ST6GALNAC3: variants seen among roughly 807,000 people sequenced by gnomAD.
ST6GALNAC3 encodes the protein alpha-N-acetylgalactosaminide alpha-2,6-sialyltransferase 3.
Under a neutral mutation model 32.7 loss-of-function variants are expected in ST6GALNAC3, and 25 were observed. The ratio of observed to expected loss-of-function variants is 0.76; its 90% confidence interval spans 0.56 to 1.07. The LOEUF (loss-of-function observed/expected upper bound fraction) is 1.07. Among genes scored for constraint, ST6GALNAC3 ranks in the 50% least tolerant of loss-of-function variants. The probability of loss-of-function intolerance (pLI) is 0.00; values close to 1 mark genes in which losing one functional copy is unlikely to be tolerated. For missense variants in ST6GALNAC3, 355 were observed against 382.4 expected (o/e 0.93, Z 0.60); for synonymous variants, 129 against 133.1 (o/e 0.97, Z 0.21).
intron 2 of ST6GALNAC3, among the ~76,000 whole-genome samples, chr1:76,361,726 C>G (rs1484422851): frequency 6.6e-6 from 1 of 152,112 alleles, no homozygotes; most frequent in African/African-American, 2.4e-5. Context: ...TGCCTGTAAT[C>G]CCAGCACTTT....
In ST6GALNAC3 at chr1:76,490,410, G is replaced by A. The variant is rs1660420233; in HGVS notation, c.623+77993G>A. On this transcript the variant is annotated intron_variant, in intron 3 of 4. Transcript: ENST00000328299. ...TAGTCTCCTTAGACACTTCAATTTT[G>A]GGCACATTATTGTATATAGTATATG... Among the ~76,000 whole-genome samples, 3 of 150,416 alleles carry A rather than the reference G, an allele frequency of 2.0e-5. No homozygotes were observed. The South Asian group carries it at 6.3e-4, about 31-fold the overall frequency.
At chr1:76,586,743 G>A (rs540006850) in intron 3 of ST6GALNAC3, among the ~76,000 whole-genome samples, 2 of 152,272 alleles carry the variant, frequency 1.3e-5, no homozygotes, top group Admixed American at 6.5e-5. Flanking sequence ...TCTTCAAAAT[G>A]TATCTATTCT....
intron 2 of ST6GALNAC3, among the ~76,000 whole-genome samples, chr1:76,314,993 T>G (rs920544215): frequency 4.6e-5 from 7 of 152,136 alleles, no homozygotes; most frequent in African/African-American, 2.4e-5. Context: ...GTCAATCTCA[T>G]ATCTGAGTCA....
chr1:76,593,523 G>A (rs550097198), intron 3 of ST6GALNAC3, among the ~76,000 whole-genome samples: 2 of 152,276 alleles, frequency 1.3e-5, no homozygotes, highest in East Asian at 3.9e-4. Context: ...GCAGAATTTT[G>A]AGAAATTGAA....
rs151271395 is a variant in ST6GALNAC3 at position 76,110,713 on chromosome 1, A to G, written c.18+35829A>G. Among the ~76,000 whole-genome samples the G allele has an allele frequency of 8.8e-3, 1,346 of 152,340 alleles. 21 individuals are homozygous for G. Among genetic ancestry groups the G allele is most frequent in the African/African-American group, 0.03 (1,261 of 41,570 alleles). On this transcript the variant is annotated intron_variant, in intron 1 of 4. Coordinates refer to ENST00000328299, the MANE Select transcript of ST6GALNAC3 (RefSeq NM_152996.4). ...CTTGGCACAACAAGGCTGCCTCCTC[A>G]TGGTCTTTGGTCCCAACAAGTTCAA... is the stretch of plus-strand genomic sequence containing the variant.
At chr1:76,486,942 A>T (rs1345641152) in intron 3 of ST6GALNAC3, among the ~76,000 whole-genome samples, 2 of 152,166 alleles carry the variant, frequency 1.3e-5, no homozygotes, top group Non-Finnish European at 2.9e-5. Flanking sequence ...ATCTCTCAGC[A>T]TTTGCTTGTC....
chr1:76,630,585 T>C lies in ST6GALNAC3; in HGVS notation c.*1779T>C, dbSNP rs1649245889. The C allele has an allele frequency of 2.0e-6, 2 of 985,418 alleles. No homozygotes were observed. Among genetic ancestry groups the C allele is most frequent in the South Asian group, 4.7e-5 (1 of 21,292 alleles). The allele number at this position is 985,418 out of a possible 1,614,324, so 61.0% of individuals were successfully genotyped here. A position where few individuals can be genotyped will look rare whatever the true frequency, so the allele number is the denominator to read the frequency against. On this transcript the variant is annotated 3_prime_UTR_variant, in exon 5 of 5. Transcript: ENST00000328299. ...ATGTTTTGGAAACTGGAAGTAATGA[T>C]ACATTTCACTTCAGAAGCACTTGTA...
At chr1:76,320,756 A>G (rs1365474110) in intron 2 of ST6GALNAC3, among the ~76,000 whole-genome samples, 2 of 152,244 alleles carry the variant, frequency 1.3e-5, no homozygotes, top group South Asian at 2.1e-4. Flanking sequence ...TAATATATAT[A>G]TACATTCATA....
rs762340823 is a variant in ST6GALNAC3 at position 76,412,192 on chromosome 1, T to C, written c.398T>C (p.Val133Ala). The C allele has an allele frequency of 3.7e-6, 6 of 1,613,590 alleles. No individual in the cohort carries two copies. The highest frequency in any genetic ancestry group is 5.1e-6 in the Non-Finnish European group (6 of 1,179,810). Residue 133 changes from valine to alanine, a missense_variant, in exon 3 of 5, where the codon GTT becomes GCT. Transcript: ENST00000328299. ...TMIRVVSHTS[V>A]PLLLKNPDYF... ...ATTCGAGTTGTGTCCCATACCAGCG[T>C]TCCTCTTTTGCTAAAAAACCCTGAT...
At chr1:76,370,768 C>T (rs182505000) in intron 2 of ST6GALNAC3, among the ~76,000 whole-genome samples, 1 of 151,954 alleles carries the variant, frequency 6.6e-6, no homozygotes, top group East Asian at 1.9e-4. Context: ...GTTTATTTTC[C>T]CACTAGTAAA....
chr1:76,635,123 T>C (rs1350118659), downstream of ST6GALNAC3, among the ~76,000 whole-genome samples: 1 of 152,212 alleles, frequency 6.6e-6, no homozygotes, highest in Non-Finnish European at 1.5e-5. Context: ...GTCAGACATA[T>C]TAACAAAGTT....
intron 3 of ST6GALNAC3, among the ~76,000 whole-genome samples, chr1:76,464,923 C>A (rs1658525362): frequency 6.6e-6 from 1 of 152,144 alleles, no homozygotes; most frequent in Admixed American, 6.6e-5. Flanking sequence ...AAATCTCTTT[C>A]TTTTTGCCTT....
At chr1:76,431,062 C>T (rs1458959552) in intron 3 of ST6GALNAC3, among the ~76,000 whole-genome samples, 2 of 152,080 alleles carry the variant, frequency 1.3e-5, no homozygotes, top group African/African-American at 4.8e-5. Context: ...TCCTGTGATG[C>T]AGAGATCAGC....
At chr1:76,524,311 T>A (rs1662733831) in intron 3 of ST6GALNAC3, among the ~76,000 whole-genome samples, 1 of 152,164 alleles carries the variant, frequency 6.6e-6, no homozygotes, top group South Asian at 2.1e-4. Context: ...ACATGTCCCT[T>A]CAATAAGCCA....
chr1:76,329,484 A>C (rs1284345366), intron 2 of ST6GALNAC3, among the ~76,000 whole-genome samples: 1 of 152,134 alleles, frequency 6.6e-6, no homozygotes, highest in Non-Finnish European at 1.5e-5. Context: ...TATATTGGCC[A>C]TTCAATGTCT....
intron 3 of ST6GALNAC3, among the ~76,000 whole-genome samples, chr1:76,426,087 G>T (rs1655359975): frequency 6.6e-6 from 1 of 151,496 alleles, no homozygotes; most frequent in African/African-American, 2.4e-5. Context: ...TTTTCTTTAG[G>T]TCTTGATTCA....
chr1:76,301,080 A>G (rs1660702432), intron 1 of ST6GALNAC3, among the ~76,000 whole-genome samples: 2 of 152,076 alleles, frequency 1.3e-5, no homozygotes, highest in Admixed American at 1.3e-4. Context: ...CTAAGTATTT[A>G]ATTTTCATAA....
At chr1:76,249,807 C>G (rs1365649794) in intron 1 of ST6GALNAC3, among the ~76,000 whole-genome samples, 1 of 152,130 alleles carries the variant, frequency 6.6e-6, no homozygotes, top group Non-Finnish European at 1.5e-5. Context: ...ATGTCAGTGA[C>G]TATGAAGTGT....
chr1:76,277,257 T>C (rs7514851), intron 1 of ST6GALNAC3, among the ~76,000 whole-genome samples: 23,150 of 151,926 alleles, frequency 0.15, 3,224 homozygotes, highest in African/African-American at 0.36. Flanking sequence ...TGCCTATGTG[T>C]GTGTGTGTAT....
Sources: allele counts gnomAD v4.1 joint callset (sites outside exome capture counted in the v4.1 genomes callset), GRCh38; gene constraint gnomAD v4.1.1; transcripts MANE v1.5; gene names NCBI Gene and HGNC (gene_info 2026-07-23, HGNC 2026-07-21).